Variants in ZNF362 observed in about 807,000 individuals in gnomAD.
The protein encoded by ZNF362 is rotund homolog.
ZNF362 carries 11 observed loss-of-function variants against 42.9 expected under a neutral mutation model. The ratio of observed to expected loss-of-function variants is 0.26; its 90% CI spans 0.16 to 0.42. ZNF362 has a LOEUF of 0.42. ZNF362 is among the 20% of genes least tolerant of loss of function. The pLI, the probability that ZNF362 is intolerant of heterozygous loss-of-function variation, is 1.00. For missense variants in ZNF362, 362 were observed against 576.2 expected (o/e 0.63, Z 3.81); for synonymous variants, 255 against 257.3 (o/e 0.99, Z 0.09).
chr1:33,215,040 G>A, the ZNF362 span, among the ~76,000 whole-genome samples: 1 of 152,040 alleles, frequency 6.6e-6, no homozygotes, highest in Non-Finnish European at 1.5e-5. Flanking sequence ...AGATATCTGC[G>A]CTCCCATGTT....
At chr1:33,173,429 G>C in the ZNF362 span, among the ~76,000 whole-genome samples, 2 of 152,154 alleles carry the variant, frequency 1.3e-5, no homozygotes, top group African/African-American at 4.8e-5. Flanking sequence ...GCATGCATGT[G>C]TATGTGTGTA....
intron 6 of ZNF362, among the ~76,000 whole-genome samples, chr1:33,285,088 A>G (rs770230759): frequency 6.6e-6 from 1 of 152,220 alleles, no homozygotes; most frequent in Non-Finnish European, 1.5e-5. Flanking sequence ...GGAGTCCTCT[A>G]TTAAGGTATA....
chr1:33,141,264 C>G, the ZNF362 span, among the ~76,000 whole-genome samples: 1 of 152,040 alleles, frequency 6.6e-6, no homozygotes, highest in African/African-American at 2.4e-5. Flanking sequence ...CTCCTCTGAG[C>G]ACCTCCCTCC....
upstream of ZNF362, among the ~76,000 whole-genome samples, chr1:33,254,046 G>A (rs1645773047): frequency 6.6e-6 from 1 of 151,328 alleles, no homozygotes; most frequent in South Asian, 2.1e-4. Flanking sequence ...TACTTTCCTT[G>A]ACACATTATT....
the ZNF362 span, among the ~76,000 whole-genome samples, chr1:33,134,782 T>C: frequency 1.3e-5 from 2 of 152,180 alleles, no homozygotes; most frequent in Non-Finnish European, 2.9e-5. Flanking sequence ...CTCTGAGAAA[T>C]AGGGGAGCGA....
At chr1:33,173,269 C>A in the ZNF362 span, among the ~76,000 whole-genome samples, 1 of 152,212 alleles carries the variant, frequency 6.6e-6, no homozygotes, top group Non-Finnish European at 1.5e-5. Context: ...CCCACCAGCT[C>A]CCCTGGCACA....
chr1:33,243,161 G>GTTATGTTA, the ZNF362 span, among the ~76,000 whole-genome samples: 1 of 121,562 alleles, frequency 8.2e-6, no homozygotes, highest in South Asian at 2.5e-4. Flanking sequence ...ATGTTATGTT[G>GTTATGTTA]TTATGTTATT....
At chr1:33,260,435 G>A (rs1280125474) in intron 1 of ZNF362, among the ~76,000 whole-genome samples, 2 of 152,146 alleles carry the variant, frequency 1.3e-5, no homozygotes, top group African/African-American at 4.8e-5. Flanking sequence ...TGTTTACATG[G>A]CTGGCACCTT....
chr1:33,210,523 G>T, the ZNF362 span, among the ~76,000 whole-genome samples: 1 of 151,992 alleles, frequency 6.6e-6, no homozygotes. Flanking sequence ...TTGACAGTGG[G>T]GTATTAAAGT....
At chr1:33,197,219 T>C in the ZNF362 span, among the ~76,000 whole-genome samples, 1 of 152,210 alleles carries the variant, frequency 6.6e-6, no homozygotes, top group Non-Finnish European at 1.5e-5. Context: ...GGCTGCACTG[T>C]TGGCTTCCCT....
intron 6 of ZNF362, among the ~76,000 whole-genome samples, chr1:33,288,918 G>A (rs1646053454): frequency 6.6e-6 from 1 of 151,658 alleles, no homozygotes; most frequent in African/African-American, 2.4e-5. Context: ...AGGGACTGAA[G>A]ACAAGAGCTT....
At chr1:33,224,173 T>C in the ZNF362 span, among the ~76,000 whole-genome samples, 1 of 152,148 alleles carries the variant, frequency 6.6e-6, no homozygotes, top group Non-Finnish European at 1.5e-5. Context: ...GTCCAGATAT[T>C]GGCACTGACT....
chr1:33,238,191 C>T, the ZNF362 span, among the ~76,000 whole-genome samples: 2 of 151,450 alleles, frequency 1.3e-5, no homozygotes, highest in Non-Finnish European at 2.9e-5. Flanking sequence ...TGGTGGCAGG[C>T]ACCTGTAATC....
At chr1:33,216,995 G>A in the ZNF362 span, among the ~76,000 whole-genome samples, 1 of 151,820 alleles carries the variant, frequency 6.6e-6, no homozygotes, top group African/African-American at 2.4e-5. Context: ...AGAATGAATT[G>A]CTGAGGCGGT....
the ZNF362 span, chr1:33,164,034 C>T: frequency 1.3e-5 from 2 of 152,278 alleles, no homozygotes; most frequent in Non-Finnish European, 2.9e-5. Context: ...ATACTCCGCT[C>T]TCATACAGAG....
At chr1:33,286,262 G>A (rs890696835) in intron 6 of ZNF362, among the ~76,000 whole-genome samples, 1 of 151,974 alleles carries the variant, frequency 6.6e-6, no homozygotes, top group Admixed American at 6.6e-5. Context: ...TGAGAAAGGC[G>A]ACAGCACAAA....
chr1:33,279,677 A>G (rs1557793819), intron 4 of ZNF362, among the ~76,000 whole-genome samples: 1 of 149,000 alleles, frequency 6.7e-6, no homozygotes, highest in Admixed American at 6.7e-5. Context: ...CTGATCTACT[A>G]TCCATATCAC....
chr1:33,196,352 C>G, the ZNF362 span: 1 of 152,266 alleles, frequency 6.6e-6, no homozygotes, highest in African/African-American at 2.4e-5. Context: ...TGCACTCCAG[C>G]CTGGGTGACA....
In ZNF362 at chr1:33,294,909, T is replaced by G. The variant is rs1406347629; in HGVS notation, c.909-28T>G. The G allele has an allele frequency of 6.2e-7, 1 of 1,613,838 alleles. No homozygotes were observed. The highest frequency in any genetic ancestry group is 2.2e-5 in the East Asian group (1 of 44,868). On this transcript the variant is annotated intron_variant, in intron 6 of 8. Coordinates refer to ENST00000539719, the MANE Select transcript of ZNF362 (RefSeq NM_152493.3). The surrounding 1 kb of genome is among the most constrained non-coding windows in gnomAD (Gnocchi z 4.2). The stretch of plus-strand genomic sequence containing the variant: ...CGGTCTTGGGGTGTGTGTCAGGGAC[T>G]TCGACCTTACTGGGCTGCCCATTAC...
Sources: allele counts gnomAD v4.1 joint callset (sites outside exome capture counted in the v4.1 genomes callset), GRCh38; gene constraint gnomAD v4.1.1; non-coding constraint Gnocchi (gnomAD v3.1); transcripts MANE v1.5; gene names NCBI Gene and HGNC (gene_info 2026-07-23, HGNC 2026-07-21).